The following UBE2Q1 variants were observed in gnomAD, a reference collection of about 807,000 sequenced individuals.
UBE2Q1 encodes ubiquitin-conjugating enzyme E2 Q1.
In UBE2Q1, 6 loss-of-function variants were observed where a neutral mutation model predicts 60.1. That is an observed-to-expected ratio of 0.10 (90% CI 0.05 to 0.20). The LOEUF (loss-of-function observed/expected upper bound fraction) is 0.20. UBE2Q1 is among the 10% of genes least tolerant of loss of function. The pLI is 1.00. For synonymous variants in UBE2Q1, 226 were observed against 208.3 expected, an observed-to-expected ratio of 1.09 and a Z score of -0.73; for missense variants, 262 against 525.8, an observed-to-expected ratio of 0.50 and a Z score of 4.91.
intron 10 of UBE2Q1, 30 bp downstream of exon 10, chr1:154,551,741 G>A (rs768397624): frequency 1.7e-5 from 28 of 1,613,974 alleles, no homozygotes; most frequent in South Asian, 2.2e-5. Flanking sequence ...CGCCCAGGCC[G>A]GCCTGGCCAA....
rs1412625396 is a variant in UBE2Q1, at chr1:154,550,349, C to T, written c.*89G>A. The stretch of plus-strand genomic sequence containing the variant: ...CGTCCAGGAAAAATGAGGGAGGGAA[C>T]CACAGAGGCAGCGTGAGATCCAAAT... On this transcript the variant is annotated 3_prime_UTR_variant, in exon 13 of 13. Transcript: ENST00000292211. The T allele has an allele frequency of 6.4e-7, 1 of 1,555,504 alleles. No homozygotes were observed. The highest frequency in any genetic ancestry group is 1.4e-5 in the African/African-American group (1 of 73,662).
At chr1:154,555,705 G>A (rs1695872518) in intron 2 of UBE2Q1, among the ~76,000 whole-genome samples, 155 bp downstream of exon 2, 1 of 152,056 alleles carries the variant, frequency 6.6e-6, no homozygotes, top group Non-Finnish European at 1.5e-5. Context: ...CCGATGCAGG[G>A]TCTCCCTCTG....
chr1:154,555,723 T>C, intron 2 of UBE2Q1, 137 bp downstream of exon 2: 2 of 922,874 alleles, frequency 2.2e-6, no homozygotes, highest in Non-Finnish European at 3.3e-6. Context: ...CTGGCTTCAG[T>C]AAGCAACTCC....
chr1:154,558,275 T>G lies in UBE2Q1; in HGVS notation c.279A>C (p.Pro93=), dbSNP rs763937391. 11 of 1,576,344 alleles carry G rather than the reference T, an allele frequency of 7.0e-6. No individual in the cohort carries two copies. The Admixed American group carries it at 7.2e-5, about 10-fold the overall frequency. ...AGAAPGPHLP[P]RGSVPGDPVR... is the part of the protein sequence containing the mutation. Reference sequence around the variant, plus strand: ...CAGGATCCCCAGGCACCGACCCCCGTGGGGGGAGATGCGGTCCGGGCGCGG... The same window carrying G: ...CAGGATCCCCAGGCACCGACCCCCGGGGGGGGAGATGCGGTCCGGGCGCGG... Residue 93 remains proline, a synonymous_variant, in exon 1 of 13, where the codon CCA becomes CCC. Transcript: ENST00000292211.
Position 154,549,397 on chromosome 1 carries a change from A to AATTC in UBE2Q1, c.*1037_*1040dup, listed in dbSNP as rs1243389653. On this transcript the variant is annotated 3_prime_UTR_variant, in exon 13 of 13. Transcript: ENST00000292211. Reference sequence around the variant, plus strand: ...AATCCATAATTTCCCAAGCCAAACAAATTCAGAGCTAGGTCTGTTCTTTTT... The same window carrying AATTC: ...AATCCATAATTTCCCAAGCCAAACAAATTCATTCAGAGCTAGGTCTGTTCTTTTT... 5 of 152,246 alleles carry AATTC rather than the reference A, an allele frequency of 3.3e-5. No homozygotes were observed. Among genetic ancestry groups the AATTC allele is most frequent in the African/African-American group, 1.2e-4 (5 of 41,456 alleles). 9.4% of individuals were successfully genotyped at this position (152,246 alleles called of 1,614,324 possible).
chr1:154,552,505 G>C (rs763196683), intron 6 of UBE2Q1, 41 bp from the exon 7 acceptor site: 1 of 1,610,494 alleles, frequency 6.2e-7, no homozygotes, highest in South Asian at 1.1e-5. Context: ...GAATGGTCCA[G>C]GTGGTGAGTG....
intron 11 of UBE2Q1, 96 bp from the exon 12 acceptor site, chr1:154,551,100 A>C: frequency 7.0e-7 from 1 of 1,438,470 alleles, no homozygotes; most frequent in Non-Finnish European, 9.8e-7. Context: ...CCAGAGTCCC[A>C]GCTCCCAGCA....
Position 154,558,428 on chromosome 1 carries a change from C to T in UBE2Q1, c.126G>A (p.Arg42=), listed in dbSNP as rs1241671911. 6.7e-7 allele frequency: 1 copy of T among 1,503,282 alleles called. No homozygotes were observed. Among genetic ancestry groups the T allele is most frequent in the Admixed American group, 2.2e-5 (1 of 45,986 alleles). The allele number at this position is 1,503,282 out of a possible 1,614,324, so 93.1% of individuals were successfully genotyped here. Residue 42 remains arginine (R), a synonymous_variant, in exon 1 of 13, where the codon AGG becomes AGA. Coordinates refer to ENST00000292211, the MANE Select transcript of UBE2Q1 (RefSeq NM_017582.7). ...TGGACTCGAGCAGCTTCAGCTCTCGCCTCAGGCAGGGCCCCGGCCCCGGGC... is the reference window on the plus strand; with the variant it reads ...TGGACTCGAGCAGCTTCAGCTCTCGTCTCAGGCAGGGCCCCGGCCCCGGGC... The part of the protein sequence containing the change: ...GGGPGPGPCL[R]RELKLLESIF...
intron 4 of UBE2Q1, among the ~76,000 whole-genome samples, chr1:154,554,087 C>T (rs529937637): frequency 2.0e-5 from 3 of 152,292 alleles, no homozygotes; most frequent in Admixed American, 1.3e-4. Flanking sequence ...TCCTAGGTGC[C>T]GCAGATACTA....
chr1:154,551,656 C>G, intron 10 of UBE2Q1, 115 bp downstream of exon 10: 1 of 1,519,548 alleles, frequency 6.6e-7, no homozygotes, highest in South Asian at 1.1e-5. Context: ...AGACCCAGCC[C>G]AGCAGAATGA....
chr1:154,556,054 G>GC, intron 1 of UBE2Q1, 90 bp from the exon 2 acceptor site: 2 of 1,145,958 alleles, frequency 1.7e-6, no homozygotes, highest in Admixed American at 3.8e-5. Context: ...AAGACTTCTA[G>GC]CCCCTTTGCT....
chr1:154,555,699 T>C (rs1460508432), intron 2 of UBE2Q1, among the ~76,000 whole-genome samples, 161 bp downstream of exon 2: 1 of 152,134 alleles, frequency 6.6e-6, no homozygotes, highest in African/African-American at 2.4e-5. Flanking sequence ...CCAGGGCCGA[T>C]GCAGGGTCTC....
chr1:154,550,265 G>C lies in UBE2Q1; in HGVS notation c.*173C>G. 1 of 909,568 alleles carries C rather than the reference G, an allele frequency of 1.1e-6. No individual in the cohort carries two copies. 56.3% of individuals were successfully genotyped at this position (909,568 alleles called of 1,614,324 possible). On this transcript the variant is annotated 3_prime_UTR_variant, in exon 13 of 13. Coordinates refer to ENST00000292211, the MANE Select transcript of UBE2Q1 (RefSeq NM_017582.7). ...GAGTACTTGAAACAGTTCTGTGTTT[G>C]TTTTTTTTCCTTAGCGTTTAGAATA...
At chr1:154,553,807 G>C (rs575137503) in intron 4 of UBE2Q1, 1 of 152,596 alleles carries the variant, frequency 6.6e-6, no homozygotes, top group South Asian at 2.1e-4. Flanking sequence ...CTGAGCATAG[G>C]GAAGGAGGAG....
At chr1:154,554,667 G>A (rs909262864) in intron 4 of UBE2Q1, 68 bp downstream of exon 4, 22 of 1,510,232 alleles carry the variant, frequency 1.5e-5, no homozygotes, top group Non-Finnish European at 1.9e-5. Flanking sequence ...CTGGAGTTCT[G>A]GATATGGGTA....
At chr1:154,552,641 A>C (rs1422142184) in intron 6 of UBE2Q1, 95 bp downstream of exon 6, 1 of 1,491,848 alleles carries the variant, frequency 6.7e-7, no homozygotes, top group East Asian at 2.3e-5. Flanking sequence ...AAAGTTCATA[A>C]GCACTCCTGG....
chr1:154,555,838 C>T (rs1405840767), intron 2 of UBE2Q1, 22 bp downstream of exon 2: 1 of 1,607,166 alleles, frequency 6.2e-7, no homozygotes, highest in Non-Finnish European at 8.5e-7. Context: ...CAAAATGTAC[C>T]CCTACCCTGT....
rs752589979 is a variant in UBE2Q1 at position 154,552,156 on chromosome 1, G to A, written c.903C>T (p.Asn301=). ...CTTTCTCTTTGAGGATCTGGAGATCGTTGTGCAAAGCGCTGTCCTGGTCAA... is the reference window on the plus strand; with the variant it reads ...CTTTCTCTTTGAGGATCTGGAGATCATTGTGCAAAGCGCTGTCCTGGTCAA... ...LKVDQDSALH[N]DLQILKEKEG... is the part of the protein sequence containing the mutation. Residue 301 remains asparagine (N), a synonymous_variant, in exon 8 of 13, where the codon AAC becomes AAT. Coordinates refer to ENST00000292211, the MANE Select transcript of UBE2Q1 (RefSeq NM_017582.7). The A allele has an allele frequency of 1.1e-5, 17 of 1,614,114 alleles. No individual in the cohort carries two copies. The highest frequency in any genetic ancestry group is 8.3e-5 in the Admixed American group (5 of 60,006).
chr1:154,557,010 C>A (rs968797155), intron 1 of UBE2Q1, among the ~76,000 whole-genome samples: 1 of 152,200 alleles, frequency 6.6e-6, no homozygotes, highest in African/African-American at 2.4e-5. Context: ...CTTAACTAAG[C>A]CACTCCTAGT....
Sources: gnomAD v4.1 joint callset for allele counts (sites outside exome capture counted in the v4.1 genomes callset) on GRCh38, gnomAD v4.1.1 for gene constraint, MANE v1.5 for transcripts, NCBI Gene and HGNC (gene_info 2026-07-23, HGNC 2026-07-21) for gene names.